Variants in ARL8B observed in about 807,000 individuals in gnomAD.
The protein encoded by ARL8B is ADP-ribosylation factor-like protein 8B.
In ARL8B, 9 loss-of-function variants were observed where a neutral mutation model predicts 30.6. The observed-to-expected ratio is 0.29, with a 90% CI of 0.18 to 0.51. The LOEUF is 0.51. Ranked by LOEUF, ARL8B falls within the 20% of genes least tolerant of loss-of-function variation. The pLI, the probability that ARL8B is intolerant of heterozygous loss-of-function variation, is 0.97. For missense variants in ARL8B, 130 were observed against 227.2 expected (o/e 0.57, Z 2.75); for synonymous variants, 74 against 76.0 (o/e 0.97, Z 0.14).
intron 1 of ARL8B, among the ~76,000 whole-genome samples, chr3:5,153,398 C>T (rs1015542334): frequency 6.6e-6 from 1 of 152,128 alleles, no homozygotes; most frequent in African/African-American, 2.4e-5. Context: ...TTTCTCTACA[C>T]AAGCTCTCTC....
chr3:5,126,536 A>G (rs985115477), intron 1 of ARL8B, among the ~76,000 whole-genome samples: 1 of 152,214 alleles, frequency 6.6e-6, no homozygotes, highest in Non-Finnish European at 1.5e-5. Context: ...TAACTTACTC[A>G]AAAGGTTCAT....
intron 1 of ARL8B, among the ~76,000 whole-genome samples, chr3:5,161,521 G>C (rs542563478): frequency 1.3e-4 from 20 of 152,278 alleles, no homozygotes; most frequent in South Asian, 1.2e-3. Flanking sequence ...CTAGCTGTTC[G>C]GGAGCAGGAA....
At position 5,179,574 on chromosome 3, in the gene ARL8B, A is replaced by G. The variant is rs2054759656; in HGVS notation, c.*861A>G. 6.6e-6 allele frequency: 1 copy of G among 152,646 alleles called. No homozygotes were observed. The highest frequency in any genetic ancestry group is 2.4e-5 in the African/African-American group (1 of 41,462). The allele number at this position is 152,646 out of a possible 1,614,324, so 9.5% of individuals were successfully genotyped here. A position where few individuals can be genotyped will look rare whatever the true frequency, so the allele number is the denominator to read the frequency against. On this transcript the variant is annotated 3_prime_UTR_variant, in exon 7 of 7. Coordinates refer to ENST00000256496, the MANE Select transcript of ARL8B (RefSeq NM_018184.3). ...CCCAATATAATAAAACCTGTTAAGAATGTCAGTCTTTGTTCAAACATCTGT... is the reference window on the plus strand; with the variant it reads ...CCCAATATAATAAAACCTGTTAAGAGTGTCAGTCTTTGTTCAAACATCTGT...
At chr3:5,125,174 C>G (rs952498816) in intron 1 of ARL8B, among the ~76,000 whole-genome samples, 10 of 152,098 alleles carry the variant, frequency 6.6e-5, no homozygotes, top group Non-Finnish European at 1.0e-4. Flanking sequence ...TGATATGTTT[C>G]TTACAGAGTT....
intron 6 of ARL8B, among the ~76,000 whole-genome samples, chr3:5,178,425 A>G (rs2054749696): frequency 6.6e-6 from 1 of 151,566 alleles, no homozygotes; most frequent in African/African-American, 2.4e-5. Flanking sequence ...GCAACACATA[A>G]AAGGTGGCAC....
intron 1 of ARL8B, among the ~76,000 whole-genome samples, chr3:5,123,993 C>A (rs1220167296): frequency 6.6e-6 from 1 of 152,170 alleles, no homozygotes; most frequent in African/African-American, 2.4e-5. Flanking sequence ...CCTGCCTCCA[C>A]CTCCTGCGTA....
chr3:5,146,866 A>G (rs1023423384), intron 1 of ARL8B, among the ~76,000 whole-genome samples: 1 of 151,992 alleles, frequency 6.6e-6, no homozygotes, highest in African/African-American at 2.4e-5. Flanking sequence ...ATTAGGGAGG[A>G]GCAAGCCGCC....
chr3:5,174,635 C>T (rs536013373), intron 6 of ARL8B, among the ~76,000 whole-genome samples: 1 of 144,804 alleles, frequency 6.9e-6, no homozygotes, highest in Non-Finnish European at 1.5e-5. Flanking sequence ...TGTTATCTCT[C>T]TCTCTCTCAT....
Position 5,122,372 on chromosome 3 carries a change from C to A in ARL8B, c.-94C>A, listed in dbSNP as rs772560226. 1 of 1,580,782 alleles carries A rather than the reference C, an allele frequency of 6.3e-7. No homozygotes were observed. Among genetic ancestry groups the A allele is most frequent in the South Asian group, 1.1e-5 (1 of 87,802 alleles). Reference sequence around the variant, plus strand: ...GTGTCGCGCCGGGGCACCAAGGAGCCGTTGGAGGGTCCGGGCGGAGGCCCG... The same window carrying A: ...GTGTCGCGCCGGGGCACCAAGGAGCAGTTGGAGGGTCCGGGCGGAGGCCCG... On this transcript the variant is annotated 5_prime_UTR_variant, in exon 1 of 7. Transcript: ENST00000256496.
At chr3:5,122,799 G>A (rs149453101) in intron 1 of ARL8B, among the ~76,000 whole-genome samples, 4 of 152,366 alleles carry the variant, frequency 2.6e-5, no homozygotes, top group African/African-American at 9.6e-5. Flanking sequence ...GCAGCGGAAG[G>A]GTTAAGTCAG....
rs1470033054 is a variant in ARL8B at position 5,180,566 on chromosome 3, G to A, written c.*1853G>A. On this transcript the variant is annotated 3_prime_UTR_variant, in exon 7 of 7. Transcript: ENST00000256496. ...TTTGTGTGTCTATACATTGCTTTCC[G>A]CATTTCAAGACATCCAGACGCTATT... 2 of 152,634 alleles carry A rather than the reference G, an allele frequency of 1.3e-5. No homozygotes were observed. Among genetic ancestry groups the A allele is most frequent in the Non-Finnish European group, 2.9e-5 (2 of 68,034 alleles). The allele number at this position is 152,634 out of a possible 1,614,324, so 9.5% of individuals were successfully genotyped here.
At chr3:5,131,338 T>G (rs771687959) in intron 1 of ARL8B, among the ~76,000 whole-genome samples, 3 of 152,100 alleles carry the variant, frequency 2.0e-5, no homozygotes, top group Non-Finnish European at 2.9e-5. Context: ...TCCTTCATAA[T>G]TTAGCTATTT....
intron 1 of ARL8B, among the ~76,000 whole-genome samples, chr3:5,169,009 T>C (rs2054646924): frequency 6.6e-6 from 1 of 152,218 alleles, no homozygotes; most frequent in African/African-American, 2.4e-5. Flanking sequence ...CATGTGACCT[T>C]GGGACTCTAC....
Position 5,174,747 on chromosome 3 carries a change from A to G in ARL8B, c.511+333A>G, listed in dbSNP as rs577579282. ...ATTATATGTAATATATATGTAATAT[A>G]TAATATATATAAATATATATTATAT... On this transcript the variant is annotated intron_variant, in intron 6 of 6. Coordinates refer to ENST00000256496, the MANE Select transcript of ARL8B (RefSeq NM_018184.3). Among the ~76,000 whole-genome samples the G allele has an allele frequency of 1.9e-4, 28 of 144,604 alleles. No homozygotes were observed. In the South Asian group the frequency reaches 3.2e-3, roughly 16 times the overall value. The allele number at this position is 144,604 out of a possible 152,430, so 94.9% of individuals were successfully genotyped here.
intron 6 of ARL8B, among the ~76,000 whole-genome samples, chr3:5,178,128 C>T (rs2054745912): frequency 2.6e-5 from 4 of 152,218 alleles, no homozygotes; most frequent in Admixed American, 6.5e-5. Context: ...CCTGCACCAG[C>T]CTTGGCAGTG....
chr3:5,173,135 T>C (rs1265686878), intron 4 of ARL8B, among the ~76,000 whole-genome samples: 1 of 152,144 alleles, frequency 6.6e-6, no homozygotes, highest in Non-Finnish European at 1.5e-5. Flanking sequence ...AGAGGGGAGA[T>C]GTGATCTAGT....
rs761002964 is a variant in ARL8B, at chr3:5,172,158, C to T, written c.213C>T (p.Asp71=). 1 of 1,613,406 alleles carries T rather than the reference C, an allele frequency of 6.2e-7. No individual in the cohort carries two copies. Among genetic ancestry groups the T allele is most frequent in the Non-Finnish European group, 8.5e-7 (1 of 1,179,536 alleles). ...CTTGTTTTGATTTAAAGATCTGGGACATAGGAGGACAACCCCGATTTCGAA... is the reference window on the plus strand; with the variant it reads ...CTTGTTTTGATTTAAAGATCTGGGATATAGGAGGACAACCCCGATTTCGAA... ...TKGNVTIKIW[D]IGGQPRFRSM... is the part of the protein sequence containing the mutation. Residue 71 remains aspartate, a synonymous_variant, in exon 3 of 7, where the codon GAC becomes GAT. Transcript: ENST00000256496.
At chr3:5,146,197 C>T (rs1300375276) in intron 1 of ARL8B, among the ~76,000 whole-genome samples, 1 of 152,188 alleles carries the variant, frequency 6.6e-6, no homozygotes, top group African/African-American at 2.4e-5. Flanking sequence ...GTCCCTGCTC[C>T]TAAGGTCTAG....
intron 1 of ARL8B, among the ~76,000 whole-genome samples, chr3:5,144,700 G>A (rs896261522): frequency 1.3e-5 from 2 of 152,140 alleles, no homozygotes; most frequent in African/African-American, 4.8e-5. Context: ...CTTCCTCCAG[G>A]GAGGCTTGCA....
Sources: gnomAD v4.1 joint callset for allele counts (sites outside exome capture counted in the v4.1 genomes callset) on GRCh38, gnomAD v4.1.1 for gene constraint, MANE v1.5 for transcripts, NCBI Gene and HGNC (gene_info 2026-07-23, HGNC 2026-07-21) for gene names.